Variants in RSPO4 observed in about 807,000 individuals in gnomAD.
RSPO4 encodes the protein R-spondin 4, also known as R-spondin-4.
A neutral mutation model predicts 24.8 loss-of-function variants in RSPO4; 23 were observed. The ratio of observed to expected loss-of-function variants is 0.93; its 90% CI spans 0.67 to 1.31. The LOEUF is 1.31. Among genes scored for constraint, RSPO4 ranks in the 40% most tolerant of loss-of-function variants. The probability of loss-of-function intolerance (pLI) is 0.00; values close to 1 mark genes in which losing one functional copy is unlikely to be tolerated. For synonymous variants in RSPO4, 141 were observed against 127.4 expected (o/e 1.11, Z -0.72); for missense variants, 333 against 316.5 (o/e 1.05, Z -0.39).
chr20:998,985 C>CTCTTTTTT (rs1555797904), intron 1 of RSPO4, among the ~76,000 whole-genome samples: 1 of 131,834 alleles, frequency 7.6e-6, no homozygotes, highest in Admixed American at 7.6e-5. Context: ...CTCTCGCTCT[C>CTCTTTTTT]TTTTTTTTTT....
At chr20:964,462 G>A (rs892087295) in intron 3 of RSPO4, among the ~76,000 whole-genome samples, 6 of 152,028 alleles carry the variant, frequency 3.9e-5, no homozygotes, top group East Asian at 1.9e-4. Flanking sequence ...TTGGGAGCCC[G>A]GCCCACCATG....
At chr20:980,919 CTG>C (rs941624651) in intron 1 of RSPO4, among the ~76,000 whole-genome samples, 5 of 152,184 alleles carry the variant, frequency 3.3e-5, no homozygotes, top group African/African-American at 1.2e-4. Flanking sequence ...GCTTCCCAAA[CTG>C]TAATATGCAC....
chr20:978,694 G>T (rs1040429573), intron 1 of RSPO4, among the ~76,000 whole-genome samples: 1 of 152,146 alleles, frequency 6.6e-6, no homozygotes, highest in African/African-American at 2.4e-5. Flanking sequence ...AGGTGGGAGT[G>T]AAAGTCCAGA....
chr20:992,562 C>T (rs1305123470), intron 1 of RSPO4, among the ~76,000 whole-genome samples: 1 of 152,162 alleles, frequency 6.6e-6, no homozygotes, highest in African/African-American at 2.4e-5. Flanking sequence ...CAGTTATCAC[C>T]ATTAAAGAAA....
At chr20:984,395 C>G (rs542010577) in intron 1 of RSPO4, among the ~76,000 whole-genome samples, 1 of 152,162 alleles carries the variant, frequency 6.6e-6, no homozygotes, top group African/African-American at 2.4e-5. Flanking sequence ...AGACTTGGGG[C>G]CCCACTGCCA....
chr20:967,582 C>G (rs887595782), intron 2 of RSPO4, among the ~76,000 whole-genome samples: 1 of 152,194 alleles, frequency 6.6e-6, no homozygotes, highest in Non-Finnish European at 1.5e-5. Flanking sequence ...AGTGAGGACT[C>G]CCTGCTTCTT....
In RSPO4 at chr20:968,232, TA is replaced by T. The variant is rs1438780571; in HGVS notation, c.80-95del. ...AGCTGAGATGGTCTCATTGGGATAG[TA>T]ACTGGGCACATGGCCACCCAAACAA... On this transcript the variant is annotated intron_variant, in intron 1 of 4. Transcript: ENST00000217260. 5 of 1,174,014 alleles carry T rather than the reference TA, an allele frequency of 4.3e-6. No homozygotes were observed. In the East Asian group the frequency reaches 1.2e-4, roughly 29 times the overall value. 72.7% of individuals were successfully genotyped at this position (1,174,014 alleles called of 1,614,324 possible).
At chr20:976,590 G>A (rs1391910947) in intron 1 of RSPO4, among the ~76,000 whole-genome samples, 3 of 151,872 alleles carry the variant, frequency 2.0e-5, no homozygotes, top group African/African-American at 7.3e-5. Flanking sequence ...CCATTTCAGG[G>A]TTTTGAGTGA....
intron 1 of RSPO4, among the ~76,000 whole-genome samples, chr20:998,268 C>CA (rs945713826): frequency 3.6e-4 from 55 of 152,162 alleles, no homozygotes; most frequent in African/African-American, 1.2e-3. Context: ...CACAGGCTGG[C>CA]ATCTCCTCCT....
intron 1 of RSPO4, among the ~76,000 whole-genome samples, chr20:980,437 C>A (rs1024651438): frequency 2.0e-5 from 3 of 152,164 alleles, no homozygotes; most frequent in African/African-American, 7.2e-5. Context: ...AACATGCCCC[C>A]TCTGCATTCC....
chr20:972,279 C>T (rs1600092044), intron 1 of RSPO4, among the ~76,000 whole-genome samples: 2 of 152,088 alleles, frequency 1.3e-5, no homozygotes, highest in South Asian at 2.1e-4. Context: ...TTTCCCAGGC[C>T]GGTCTAAAAC....
At chr20:995,775 T>C (rs1477387041) in intron 1 of RSPO4, among the ~76,000 whole-genome samples, 2 of 152,116 alleles carry the variant, frequency 1.3e-5, no homozygotes, top group Non-Finnish European at 2.9e-5. Context: ...AGGGCCTCCA[T>C]TAGGCCATGA....
chr20:984,979 TC>T (rs1984863714), intron 1 of RSPO4, among the ~76,000 whole-genome samples: 1 of 57,138 alleles, frequency 1.8e-5, no homozygotes, highest in Admixed American at 2.2e-4. Context: ...ATCCATCCAC[TC>T]ACCCACCCAT....
intron 1 of RSPO4, among the ~76,000 whole-genome samples, chr20:992,643 G>A (rs1354628736): frequency 1.3e-5 from 2 of 152,024 alleles, no homozygotes; most frequent in Non-Finnish European, 2.9e-5. Flanking sequence ...TGCTCTTATT[G>A]TCCCCATTGT....
rs1022073449 is a variant in RSPO4 at position 958,654 on chromosome 20, G to C, written c.*1703C>G. ...AGAGGGTGGGCCTGCTGGGAGGGGG[G>C]GGTTCAGGCCAGGGCTCCCCAGCTG... On this transcript the variant is annotated 3_prime_UTR_variant, in exon 5 of 5. Coordinates refer to ENST00000217260, the MANE Select transcript of RSPO4 (RefSeq NM_001029871.4). 1.3e-5 allele frequency: 2 copies of C among 151,932 alleles called. No homozygotes were observed. Among genetic ancestry groups the C allele is most frequent in the Admixed American group, 6.6e-5 (1 of 15,248 alleles). 9.4% of individuals were successfully genotyped at this position (151,932 alleles called of 1,614,324 possible). A position where few individuals can be genotyped will look rare whatever the true frequency, so the allele number is the denominator to read the frequency against.
In RSPO4 at chr20:967,310, A is replaced by G. The variant is rs1008443296; in HGVS notation, c.273T>C (p.Cys91=). 2 of 1,613,702 alleles carry G rather than the reference A, an allele frequency of 1.2e-6. No homozygotes were observed. Among genetic ancestry groups the G allele is most frequent in the African/African-American group, 1.3e-5 (1 of 74,920 alleles). The change falls in exon 3 of 5, where the codon TGT becomes TGC. Residue 91 remains cysteine (C), a synonymous_variant. Coordinates refer to ENST00000217260, the MANE Select transcript of RSPO4 (RefSeq NM_001029871.4). ...TGAAGCAGCTCTCACAAGTGGCCCC[A>G]CATTCTGTAATAGAGCCAGGGACAC... ...RGQEVNRCKK[C]GATCESCFSQ... is the part of the protein sequence containing the mutation.
chr20:991,801 A>G (rs1037059780), intron 1 of RSPO4, among the ~76,000 whole-genome samples: 7 of 152,146 alleles, frequency 4.6e-5, no homozygotes, highest in Non-Finnish European at 4.4e-5. Context: ...TTTAAGTGAA[A>G]TAAAATTTAA....
intron 1 of RSPO4, among the ~76,000 whole-genome samples, chr20:995,243 A>C (rs1397282557): frequency 6.6e-6 from 1 of 152,210 alleles, no homozygotes; most frequent in East Asian, 1.9e-4. Flanking sequence ...ACAAACAAGA[A>C]GGTGGTTAAT....
At chr20:965,628 G>C (rs902868765) in intron 3 of RSPO4, among the ~76,000 whole-genome samples, 3 of 152,238 alleles carry the variant, frequency 2.0e-5, no homozygotes, top group Non-Finnish European at 2.9e-5. Flanking sequence ...CGATAGGCAG[G>C]GGGTGGCAAG....
Sources: allele counts gnomAD v4.1 joint callset (sites outside exome capture counted in the v4.1 genomes callset), GRCh38; gene constraint gnomAD v4.1.1; transcripts MANE v1.5; gene names NCBI Gene and HGNC (gene_info 2026-07-23, HGNC 2026-07-21).